DLGAP2: variants seen among roughly 807,000 people sequenced by gnomAD.
DLGAP2 encodes the protein disks large-associated protein 2.
A neutral mutation model predicts 100.3 loss-of-function variants in DLGAP2; 26 were observed. The observed-to-expected ratio is 0.26, with a 90% confidence interval of 0.19 to 0.36. The LOEUF is 0.36. Among genes scored for constraint, DLGAP2 ranks in the 10% least tolerant of loss-of-function variants. The pLI is 1.00. For synonymous variants in DLGAP2, 886 were observed against 630.1 expected, an observed-to-expected ratio of 1.41 and a Z score of -6.08; for missense variants, 1,858 against 1,453.2, an observed-to-expected ratio of 1.28 and a Z score of -4.53.
intron 2 of DLGAP2, among the ~76,000 whole-genome samples, chr8:952,173 C>G (rs1018598572): frequency 1.3e-5 from 2 of 152,168 alleles, no homozygotes; most frequent in Non-Finnish European, 2.9e-5. Context: ...TAAAATAATC[C>G]GACCCATTTT....
At chr8:1,445,611 G>A (rs1297517762) in intron 3 of DLGAP2, among the ~76,000 whole-genome samples, 2 of 152,158 alleles carry the variant, frequency 1.3e-5, no homozygotes, top group African/African-American at 4.8e-5. Flanking sequence ...ACCCAGTAAT[G>A]GGATGGCTGG....
chr8:1,162,001 G>C (rs533638228), intron 2 of DLGAP2, among the ~76,000 whole-genome samples: 1 of 152,230 alleles, frequency 6.6e-6, no homozygotes, highest in Non-Finnish European at 1.5e-5. Flanking sequence ...AGGTGCCTGG[G>C]CCTGGCAAGA....
At chr8:1,101,266 A>G (rs561959818) in intron 2 of DLGAP2, among the ~76,000 whole-genome samples, 2 of 152,358 alleles carry the variant, frequency 1.3e-5, no homozygotes, top group Admixed American at 6.5e-5. Flanking sequence ...AGGCTCACTC[A>G]CCAACACAGG....
At chr8:770,779 C>A (rs2132606342) in intron 1 of DLGAP2, among the ~76,000 whole-genome samples, 1 of 152,202 alleles carries the variant, frequency 6.6e-6, no homozygotes, top group East Asian at 1.9e-4. Context: ...GCAGGCATCA[C>A]ACAGTTATAT....
intron 2 of DLGAP2, among the ~76,000 whole-genome samples, chr8:1,193,968 G>T (rs1006970142): frequency 2.0e-5 from 3 of 152,154 alleles, no homozygotes; most frequent in Non-Finnish European, 4.4e-5. Context: ...AGAGCTTGAC[G>T]GGAAGGAAGT....
At chr8:791,376 G>C (rs1376943056) in intron 1 of DLGAP2, among the ~76,000 whole-genome samples, 3 of 152,082 alleles carry the variant, frequency 2.0e-5, no homozygotes, top group Non-Finnish European at 4.4e-5. Context: ...GTGTTATCAG[G>C]AGAAAACAAT....
At chr8:1,499,388 A>G (rs1799642182) in intron 3 of DLGAP2, among the ~76,000 whole-genome samples, 1 of 152,178 alleles carries the variant, frequency 6.6e-6, no homozygotes, top group Admixed American at 6.5e-5. Context: ...TGAAGGGCCC[A>G]TTGTTTTAGT....
chr8:1,235,887 CACATGGCGCCGTGTCTAGTTCTCT>C (rs1798641152), intron 2 of DLGAP2, among the ~76,000 whole-genome samples: 1 of 4,298 alleles, frequency 2.3e-4, no homozygotes, highest in African/African-American at 1.6e-3. Context: ...AGTTCTCTGC[CACATGGCGCCGTGTCTAGTTCTCT>C]CACATGGCGC....
At chr8:913,417 C>T (rs1335593133) in intron 2 of DLGAP2, among the ~76,000 whole-genome samples, 1 of 152,214 alleles carries the variant, frequency 6.6e-6, no homozygotes, top group Non-Finnish European at 1.5e-5. Context: ...GGGCCTGTCT[C>T]AAAGGACAAC....
At chr8:1,640,018 C>T (rs975274658) in intron 8 of DLGAP2, among the ~76,000 whole-genome samples, 1 of 152,200 alleles carries the variant, frequency 6.6e-6, no homozygotes, top group Non-Finnish European at 1.5e-5. Flanking sequence ...AGGATGCGGA[C>T]ATTTTTGGAG....
chr8:1,290,189 T>G (rs578038333), intron 3 of DLGAP2, among the ~76,000 whole-genome samples: 27 of 152,300 alleles, frequency 1.8e-4, no homozygotes, highest in African/African-American at 4.8e-4. Flanking sequence ...GCAGATCTAG[T>G]CAGCTAGACT....
intron 3 of DLGAP2, among the ~76,000 whole-genome samples, chr8:1,433,756 T>TTTTTTTTTTG (rs1797530218): frequency 6.8e-6 from 1 of 146,998 alleles, no homozygotes; most frequent in African/African-American, 2.5e-5. Context: ...TTTTTTTTTT[T>TTTTTTTTTTG]GCTAGGAGAG....
At chr8:1,250,448 A>T (rs898546633) in intron 2 of DLGAP2, 2 of 152,118 alleles carry the variant, frequency 1.3e-5, no homozygotes, top group African/African-American at 4.8e-5. Flanking sequence ...ACCGTGGTAG[A>T]TGTTCAGTCA....
chr8:1,204,000 A>T (rs1797937609), intron 2 of DLGAP2, among the ~76,000 whole-genome samples: 1 of 152,256 alleles, frequency 6.6e-6, no homozygotes, highest in Non-Finnish European at 1.5e-5. Flanking sequence ...CTAAGCATGT[A>T]GGGTAAAGTA....
chr8:1,676,399 C>G (rs1467261788), intron 10 of DLGAP2, 134 bp from the exon 11 acceptor site: 15 of 865,862 alleles, frequency 1.7e-5, no homozygotes, highest in Non-Finnish European at 2.6e-5. Context: ...TGCGGTTTTA[C>G]TGGGTCAAGT....
At chr8:1,564,405 G>T (rs2956914) in intron 5 of DLGAP2, among the ~76,000 whole-genome samples, 72,581 of 152,030 alleles carry the variant, frequency 0.48, 17,437 homozygotes, top group Middle Eastern at 0.61. Context: ...AGAGAGACAC[G>T]TAACGCAAAC....
chr8:1,459,570 G>A (rs1402597946), intron 3 of DLGAP2, among the ~76,000 whole-genome samples: 2 of 151,892 alleles, frequency 1.3e-5, no homozygotes, highest in African/African-American at 4.8e-5. Context: ...AGCATGTATT[G>A]TTTATAAAAT....
At chr8:871,494 C>G (rs1183915732) in intron 1 of DLGAP2, among the ~76,000 whole-genome samples, 1 of 152,152 alleles carries the variant, frequency 6.6e-6, no homozygotes, top group African/African-American at 2.4e-5. Context: ...TTTCAAGTTT[C>G]TAAAGAATTA....
chr8:872,485 C>A (rs1797617718), intron 1 of DLGAP2, among the ~76,000 whole-genome samples: 1 of 152,014 alleles, frequency 6.6e-6, no homozygotes, highest in Non-Finnish European at 1.5e-5. Flanking sequence ...AGGCATGTGC[C>A]ACCACGCCCG....
Sources: gnomAD v4.1 joint callset for allele counts (sites outside exome capture counted in the v4.1 genomes callset) on GRCh38, gnomAD v4.1.1 for gene constraint, MANE v1.5 for transcripts, NCBI Gene and HGNC (gene_info 2026-07-23, HGNC 2026-07-21) for gene names.